Variants in ZNF675 observed in about 807,000 individuals in gnomAD.
The protein encoded by ZNF675 is zinc finger protein 675, also known as TRAF6 inhibitory zinc finger.
A neutral mutation model predicts 56.1 loss-of-function variants in ZNF675; 36 were observed. The observed-to-expected ratio is 0.64, with a 90% CI of 0.49 to 0.85. ZNF675 has a LOEUF of 0.85. Ranked by LOEUF, ZNF675 falls within the 40% of genes least tolerant of loss-of-function variation. The pLI is 0.00. For missense variants in ZNF675, 663 were observed against 654.2 expected, an observed-to-expected ratio of 1.01 and a Z score of -0.15; for synonymous variants, 200 against 218.9, an observed-to-expected ratio of 0.91 and a Z score of 0.76.
At chr19:23,682,839 CA>C (rs1436168257) in intron 1 of ZNF675, among the ~76,000 whole-genome samples, 2 of 151,556 alleles carry the variant, frequency 1.3e-5, no homozygotes, top group Non-Finnish European at 2.9e-5. Flanking sequence ...GTAAGAAAAC[CA>C]AAAGTATCTA....
chr19:23,686,917 G>T (rs891227726), intron 1 of ZNF675, 114 bp downstream of exon 1: 2 of 1,304,372 alleles, frequency 1.5e-6, no homozygotes, highest in Non-Finnish European at 2.2e-6. Context: ...AGGAGAACTC[G>T]GGGTGCAGAT....
intron 3 of ZNF675, among the ~76,000 whole-genome samples, chr19:23,658,877 A>C (rs201309068): frequency 0.036 from 369 of 10,354 alleles, 9 homozygotes; most frequent in African/African-American, 0.089. Flanking sequence ...ATCTATAGAT[A>C]TCTATAGATA....
rs1416528269 is a variant in ZNF675, at chr19:23,653,609, G to A, written c.1324C>T (p.His442Tyr). Residue 442 changes from histidine to tyrosine, a missense_variant, in exon 4 of 4, where the codon CAT becomes TAT. Physicochemically the swap from His to Tyr is moderately conservative, Grantham distance 83. Around this residue, in one of 3 missense-constraint regions of ZNF675, gnomAD observed 617 missense variants for 590.5 expected, o/e 1.04. Transcript: ENST00000359788. Reference protein sequence around the residue: ...AFNRSSKLTEHKKLHTGKKPY... With the variant: ...AFNRSSKLTEYKKLHTGKKPY... ...TTCTTTCCAGTATGAAGTTTCTTAT[G>A]TTCAGTAAGTTTTGAGGATCGGTTA... 37 of 1,612,620 alleles carry A rather than the reference G, an allele frequency of 2.3e-5. No homozygotes were observed. The highest frequency in any genetic ancestry group is 2.9e-5 in the Non-Finnish European group (34 of 1,179,506).
intron 1 of ZNF675, chr19:23,686,506 A>C (rs1229410423): frequency 1.3e-5 from 2 of 152,770 alleles, no homozygotes; most frequent in Non-Finnish European, 2.9e-5. Context: ...TTGTATTTTT[A>C]GTAGAAACGG....
In ZNF675 at chr19:23,654,039, A is replaced by G. The variant is rs879233583; in HGVS notation, c.894T>C (p.Asn298=). The G allele has an allele frequency of 6.2e-7, 1 of 1,609,494 alleles. No homozygotes were observed. Among genetic ancestry groups the G allele is most frequent in the South Asian group, 1.1e-5 (1 of 90,814 alleles). Residue 298 remains asparagine, a synonymous_variant, in exon 4 of 4, where the codon AAT becomes AAC. Transcript: ENST00000359788. The part of the protein sequence containing the change: ...ECGKAFNQFS[N]LTTHKKIHTG... ...TATGAATTTTTTTATGTGTAGTAAG[A>G]TTTGAGAACTGGTTAAAGGCTTTGC...
At chr19:23,668,478 G>A (rs111286226) in intron 1 of ZNF675, among the ~76,000 whole-genome samples, 2 of 86,380 alleles carry the variant, frequency 2.3e-5, no homozygotes, top group South Asian at 1.1e-3. Context: ...AGTGGATCCC[G>A]CACCGGGGCT....
chr19:23,678,458 C>T (rs1968330637), intron 1 of ZNF675, among the ~76,000 whole-genome samples: 1 of 150,182 alleles, frequency 6.7e-6, no homozygotes, highest in Admixed American at 6.6e-5. Context: ...ACCATGTTGG[C>T]CAGGCTGGTC....
chr19:23,673,722 T>C (rs1968254732), intron 1 of ZNF675, among the ~76,000 whole-genome samples: 1 of 152,176 alleles, frequency 6.6e-6, no homozygotes, highest in African/African-American at 2.4e-5. Flanking sequence ...ATCTAATGCA[T>C]GTGGGGCTTA....
Position 23,654,181 on chromosome 19 carries a change from G to A in ZNF675, c.752C>T (p.Ala251Val). 6.2e-7 allele frequency: 1 copy of A among 1,614,028 alleles called. No individual in the cohort carries two copies. The highest frequency in any genetic ancestry group is 2.2e-5 in the East Asian group (1 of 44,866). The change falls in exon 4 of 4, where the codon GCT becomes GTT. Residue 251 changes from alanine to valine, a missense_variant. Physicochemically the swap from Ala to Val is moderately conservative, Grantham distance 64 (BLOSUM62 0). Coordinates refer to ENST00000359788, the MANE Select transcript of ZNF675 (RefSeq NM_138330.3). The part of the protein sequence containing the change: ...SNLTEYKKDY[A>V]REKPYKCEEC... ...TTCACATTTGTATGGTTTCTCTCGA[G>A]CATAATCTTTTTTATATTCAGTAAG...
rs1022544249 is a variant in ZNF675, at chr19:23,682,423, A to G, written c.3+4608T>C. On this transcript the variant is annotated intron_variant, in intron 1 of 3. Transcript: ENST00000359788. ...ATTAAAATTTTTTTTACATAAATCT[A>G]TAACTTTAATTTTACAAAATTTAGA... Among the ~76,000 whole-genome samples, 8 of 151,840 alleles carry G rather than the reference A, an allele frequency of 5.3e-5. 1 individual carries two copies. The highest frequency in any genetic ancestry group is 1.7e-4 in the African/African-American group (7 of 41,134).
intron 1 of ZNF675, among the ~76,000 whole-genome samples, chr19:23,677,060 GT>G (rs1334779049): frequency 1.4e-5 from 2 of 138,926 alleles, no homozygotes; most frequent in Admixed American, 1.5e-4. Flanking sequence ...CTGGGCAACA[GT>G]GCAAGACTGT....
chr19:23,679,028 G>C (rs1054065744), intron 1 of ZNF675, among the ~76,000 whole-genome samples: 6 of 151,192 alleles, frequency 4.0e-5, no homozygotes, highest in African/African-American at 1.5e-4. Flanking sequence ...TTAGCCGGGC[G>C]TGGTGGCAGG....
chr19:23,661,006 T>C (rs1439724900), intron 3 of ZNF675, among the ~76,000 whole-genome samples: 2 of 151,590 alleles, frequency 1.3e-5, no homozygotes, highest in Non-Finnish European at 2.9e-5. Context: ...CTTGGCTCAC[T>C]GTAACCTCCA....
At chr19:23,664,560 G>A (rs915761739) in intron 1 of ZNF675, among the ~76,000 whole-genome samples, 17 of 152,154 alleles carry the variant, frequency 1.1e-4, no homozygotes, top group Admixed American at 6.5e-5. Flanking sequence ...CCAGCCCTTT[G>A]ACCATTCTTT....
At chr19:23,671,706 T>C (rs768485916) in intron 1 of ZNF675, among the ~76,000 whole-genome samples, 5 of 151,666 alleles carry the variant, frequency 3.3e-5, no homozygotes, top group Non-Finnish European at 5.9e-5. Flanking sequence ...TTCAGCGGTT[T>C]ATCTAGTTGC....
intron 1 of ZNF675, among the ~76,000 whole-genome samples, chr19:23,682,262 T>C (rs889020731): frequency 6.6e-6 from 1 of 151,834 alleles, no homozygotes; most frequent in African/African-American, 2.4e-5. Flanking sequence ...ATCTAAAACC[T>C]GACTTTTTCA....
At chr19:23,654,855 A>C in intron 3 of ZNF675, 149 bp from the exon 4 acceptor site, 1 of 472,048 alleles carries the variant, frequency 2.1e-6, no homozygotes, top group Admixed American at 4.6e-5. Context: ...AGCACAATGC[A>C]AAGAGCCACA....
intron 1 of ZNF675, among the ~76,000 whole-genome samples, chr19:23,670,678 A>C (rs538935254): frequency 1.3e-5 from 2 of 152,210 alleles, no homozygotes; most frequent in East Asian, 1.9e-4. Flanking sequence ...GCAGGAGCTG[A>C]GAGGCCAGTC....
intron 3 of ZNF675, chr19:23,656,767 T>C (rs1029775640): frequency 1.1e-4 from 2 of 18,900 alleles, no homozygotes; most frequent in Admixed American, 2.0e-3. Context: ...ATTCCACTTA[T>C]GTGAGATATC....
Sources: gnomAD v4.1 joint callset for allele counts (sites outside exome capture counted in the v4.1 genomes callset) on GRCh38, gnomAD v4.1.1 for gene constraint, gnomAD v4.1.1 regional missense constraint, MANE v1.5 for transcripts, NCBI Gene and HGNC (gene_info 2026-07-23, HGNC 2026-07-21) for gene names.